The following COL11A1 variants were observed in gnomAD, a reference collection of about 807,000 sequenced individuals.
COL11A1 encodes collagen alpha-1(XI) chain.
A neutral mutation model predicts 265.2 loss-of-function variants in COL11A1; 74 were observed. The observed-to-expected ratio is 0.28, with a 90% CI of 0.23 to 0.34. The LOEUF (loss-of-function observed/expected upper bound fraction) is 0.34. Ranked by LOEUF, COL11A1 falls within the 10% of genes least tolerant of loss-of-function variation. The pLI is 1.00. For synonymous variants in COL11A1, 816 were observed against 727.6 expected, an observed-to-expected ratio of 1.12 and a Z score of -1.96; for missense variants, 2,165 against 2,263.6, an observed-to-expected ratio of 0.96 and a Z score of 0.88.
intron 52 of COL11A1, 91 bp downstream of exon 52, chr1:102,914,261 T>C: frequency 1.0e-6 from 1 of 991,208 alleles, no homozygotes; most frequent in South Asian, 1.5e-5. Context: ...GGAGTTCACT[T>C]AGGTTATTAG....
chr1:103,007,586 G>A (rs553032578), intron 15 of COL11A1, among the ~76,000 whole-genome samples: 3 of 152,026 alleles, frequency 2.0e-5, no homozygotes, highest in East Asian at 1.9e-4. Context: ...GACCCAGCGC[G>A]GTGAATCATT....
chr1:103,021,639 A>T (rs906446431), intron 9 of COL11A1, 68 bp downstream of exon 9: 12 of 988,056 alleles, frequency 1.2e-5, no homozygotes, highest in Non-Finnish European at 1.8e-5. Flanking sequence ...CATACATAAT[A>T]ATTTAACATA....
chr1:102,887,440 G>A (rs753873846), intron 62 of COL11A1, among the ~76,000 whole-genome samples: 7 of 151,952 alleles, frequency 4.6e-5, no homozygotes, highest in East Asian at 3.9e-4. Context: ...AAGCTATTGC[G>A]CTATCTAATC....
chr1:102,952,402 C>T (rs1259407098), intron 41 of COL11A1, among the ~76,000 whole-genome samples: 31 of 152,176 alleles, frequency 2.0e-4, no homozygotes, highest in Admixed American at 2.0e-3. Context: ...CAGCCAGATA[C>T]TGTATACTAT....
intron 1 of COL11A1, among the ~76,000 whole-genome samples, chr1:103,098,070 T>TA (rs1161359372): frequency 8.6e-5 from 13 of 151,830 alleles, no homozygotes; most frequent in South Asian, 8.3e-4. Context: ...CCAAGGCTGT[T>TA]AAAAAAAAGA....
At chr1:103,067,866 T>C (rs1671272796) in intron 4 of COL11A1, among the ~76,000 whole-genome samples, 1 of 151,156 alleles carries the variant, frequency 6.6e-6, no homozygotes. Context: ...GAAAAATTTC[T>C]TGAAAAATAA....
intron 4 of COL11A1, among the ~76,000 whole-genome samples, chr1:103,052,324 A>T (rs1168838413): frequency 6.6e-6 from 1 of 152,214 alleles, no homozygotes; most frequent in Non-Finnish European, 1.5e-5. Flanking sequence ...TATAGTTTAA[A>T]GTTCAACCAC....
chr1:102,883,417 A>C, intron 63 of COL11A1, 106 bp from the exon 64 acceptor site: 2 of 763,558 alleles, frequency 2.6e-6, no homozygotes, highest in Non-Finnish European at 4.6e-6. Flanking sequence ...AATACATATT[A>C]ATAGATCTTT....
chr1:103,006,061 T>C lies in COL11A1; in HGVS notation c.1791+7A>G. On this transcript the variant is annotated splice_region_variant and intron_variant, in intron 17 of 66. Transcript: ENST00000370096. ...GATGTGAATATAAAAATATGTGAGC[T>C]CCTGACCTTTGCCCCAGGTTCTCCT... The C allele has an allele frequency of 6.2e-7, 1 of 1,613,986 alleles. No individual in the cohort carries two copies. The highest frequency in any genetic ancestry group is 1.1e-5 in the South Asian group (1 of 91,084).
At chr1:103,059,927 A>G (rs978367602) in intron 4 of COL11A1, among the ~76,000 whole-genome samples, 1 of 152,122 alleles carries the variant, frequency 6.6e-6, no homozygotes, top group Non-Finnish European at 1.5e-5. Flanking sequence ...ACAAGGAGAA[A>G]GAGAGAAAAG....
intron 5 of COL11A1, among the ~76,000 whole-genome samples, chr1:103,026,826 G>C (rs1237047134): frequency 6.6e-6 from 1 of 151,972 alleles, no homozygotes; most frequent in African/African-American, 2.4e-5. Flanking sequence ...AGACGGGAAA[G>C]AGGGGAGGAG....
chr1:102,974,802 A>T (rs1315156431), intron 36 of COL11A1, 28 bp downstream of exon 36: 1 of 1,577,580 alleles, frequency 6.3e-7, no homozygotes, highest in Non-Finnish European at 8.7e-7. Context: ...TCAAATGAAG[A>T]AAGAGAAAGA....
At chr1:102,879,380 T>C (rs979482292) in intron 66 of COL11A1, among the ~76,000 whole-genome samples, 1 of 152,214 alleles carries the variant, frequency 6.6e-6, no homozygotes, top group South Asian at 2.1e-4. Flanking sequence ...GTTTTTATTT[T>C]CTTTTTCATT....
chr1:103,103,683 A>G (rs2102429168), intron 1 of COL11A1, among the ~76,000 whole-genome samples: 1 of 152,096 alleles, frequency 6.6e-6, no homozygotes, highest in South Asian at 2.1e-4. Flanking sequence ...TAATATATCG[A>G]ATTCTTTCTC....
chr1:102,891,704 T>G (rs1651801120), intron 57 of COL11A1, among the ~76,000 whole-genome samples: 1 of 148,730 alleles, frequency 6.7e-6, no homozygotes, highest in African/African-American at 2.5e-5. Flanking sequence ...GTGAGACATT[T>G]TGTCTACAAA....
chr1:103,082,686 C>T lies in COL11A1; in HGVS notation c.274+119G>A, dbSNP rs148624378. ...AATTGCATTTTACCATATAATTGCA[C>T]ATTATCTAACCTGATAAAAATACTA... On this transcript the variant is annotated intron_variant, in intron 2 of 66. Transcript: ENST00000370096. 442 of 859,290 alleles carry T rather than the reference C, an allele frequency of 5.1e-4. 2 individuals carry two copies. The African/African-American group carries it at 6.6e-3, about 13-fold the overall frequency. 53.2% of individuals were successfully genotyped at this position (859,290 alleles called of 1,614,324 possible).
At chr1:103,013,672 TA>T (rs1666316112) in intron 13 of COL11A1, among the ~76,000 whole-genome samples, 1 of 151,964 alleles carries the variant, frequency 6.6e-6, no homozygotes. Context: ...TGTTTTCAGA[TA>T]TTTTTACACA....
At chr1:102,990,353 T>C (rs1424120175) in intron 28 of COL11A1, among the ~76,000 whole-genome samples, 1 of 151,916 alleles carries the variant, frequency 6.6e-6, no homozygotes, top group South Asian at 2.1e-4. Flanking sequence ...TAAAATCATG[T>C]CCATTAGATA....
At chr1:103,067,847 G>A (rs1034465146) in intron 4 of COL11A1, among the ~76,000 whole-genome samples, 3 of 151,468 alleles carry the variant, frequency 2.0e-5, no homozygotes, top group African/African-American at 7.3e-5. Flanking sequence ...CAACAACTTA[G>A]TTGAACTAGA....
Sources: allele counts gnomAD v4.1 joint callset (sites outside exome capture counted in the v4.1 genomes callset), GRCh38; gene constraint gnomAD v4.1.1; transcripts MANE v1.5; gene names NCBI Gene and HGNC (gene_info 2026-07-23, HGNC 2026-07-21).